RTN1: variants seen among roughly 807,000 people sequenced by gnomAD.
RTN1 encodes the protein reticulon 1, also known as reticulon-1.
RTN1 carries 25 observed loss-of-function variants against 65.5 expected under a neutral mutation model. The observed-to-expected ratio is 0.38, with a 90% CI of 0.28 to 0.53. The LOEUF is 0.53. Ranked by LOEUF, RTN1 falls within the 20% of genes least tolerant of loss-of-function variation. RTN1 has a pLI of 0.79. For missense variants in RTN1, 983 were observed against 1,025.4 expected, an observed-to-expected ratio of 0.96 and a Z score of 0.57; for synonymous variants, 471 against 447.6, an observed-to-expected ratio of 1.05 and a Z score of -0.66.
intron 3 of RTN1, among the ~76,000 whole-genome samples, chr14:59,685,737 T>C (rs1338220774): frequency 6.6e-6 from 1 of 152,198 alleles, no homozygotes; most frequent in Non-Finnish European, 1.5e-5. Flanking sequence ...ATGTCCATCC[T>C]ACCCAAAAGC....
At position 59,817,992 on chromosome 14, in the gene RTN1, C is replaced by T. The variant is rs577015304; in HGVS notation, c.241+52398G>A. ...TGTCATCCAGGTAGTGAGCATAGTA[C>T]TTGATAGGTAGTTTTTCAACCCTTA... On this transcript the variant is annotated intron_variant, in intron 1 of 8. Transcript: ENST00000267484. 1.2e-4 allele frequency among the ~76,000 whole-genome samples: 18 copies of T among 152,214 alleles called. No homozygotes were observed. The South Asian group carries it at 3.3e-3, about 28-fold the overall frequency.
At chr14:59,625,523 C>T (rs1171082864) in intron 3 of RTN1, among the ~76,000 whole-genome samples, 9 of 152,086 alleles carry the variant, frequency 5.9e-5, no homozygotes, top group South Asian at 2.1e-4. Flanking sequence ...CCACTTCTTC[C>T]GTTAAATTAT....
chr14:59,808,389 G>A (rs1886673241), intron 1 of RTN1, among the ~76,000 whole-genome samples: 1 of 152,158 alleles, frequency 6.6e-6, no homozygotes, highest in Non-Finnish European at 1.5e-5. Flanking sequence ...TGGAATCTGT[G>A]CTTCCCAGTG....
chr14:59,789,453 GTT>G (rs1002337137), intron 1 of RTN1, among the ~76,000 whole-genome samples: 5 of 152,182 alleles, frequency 3.3e-5, no homozygotes, highest in African/African-American at 1.2e-4. Context: ...ATGATTAGGT[GTT>G]TTTATCCTTT....
chr14:59,643,882 C>G (rs1460188329), intron 3 of RTN1, among the ~76,000 whole-genome samples: 2 of 142,834 alleles, frequency 1.4e-5, no homozygotes, highest in Non-Finnish European at 3.1e-5. Flanking sequence ...AAAGAATGAT[C>G]CATACTCAAG....
intron 3 of RTN1, among the ~76,000 whole-genome samples, chr14:59,634,763 G>A (rs1276023933): frequency 6.6e-6 from 1 of 152,138 alleles, no homozygotes; most frequent in Non-Finnish European, 1.5e-5. Flanking sequence ...AGAGTGGCTA[G>A]GGAGAAGAAC....
At chr14:59,623,176 C>A (rs1177924054) in intron 3 of RTN1, among the ~76,000 whole-genome samples, 1 of 152,244 alleles carries the variant, frequency 6.6e-6, no homozygotes, top group Non-Finnish European at 1.5e-5. Flanking sequence ...CCGAATGACT[C>A]CTCCTCGGGC....
At chr14:59,724,361 TA>T (rs760544161) in intron 3 of RTN1, among the ~76,000 whole-genome samples, 41 of 152,326 alleles carry the variant, frequency 2.7e-4, no homozygotes, top group Non-Finnish European at 5.3e-4. Context: ...AATATTATTC[TA>T]AATATTTCTA....
rs866748778 is a variant in RTN1, at chr14:59,851,908, G to A, written c.241+18482C>T. 7.3e-5 allele frequency among the ~76,000 whole-genome samples: 11 copies of A among 151,348 alleles called. No homozygotes were observed. In the South Asian group the frequency reaches 2.3e-3, roughly 32 times the overall value. ...AATTCTTATTTCTGAGAATTGATAT[G>A]CAAACATCCAAACTGTAAACAGAAC... is the stretch of plus-strand genomic sequence containing the variant. On this transcript the variant is annotated intron_variant, in intron 1 of 8. Coordinates refer to ENST00000267484, the MANE Select transcript of RTN1 (RefSeq NM_021136.3).
At chr14:59,821,549 T>A (rs924816091) in intron 1 of RTN1, among the ~76,000 whole-genome samples, 9 of 152,182 alleles carry the variant, frequency 5.9e-5, no homozygotes, top group African/African-American at 9.6e-5. Context: ...TCCAATAGTA[T>A]GTTGAATAGG....
rs761486531 is a variant in RTN1, at chr14:59,745,782, G to A, written c.941C>T (p.Thr314Ile). Residue 314 changes from threonine to isoleucine, a missense_variant, in exon 2 of 9, where the codon ACA becomes ATA. Physicochemically the swap from Thr to Ile is moderately conservative, Grantham distance 89 (BLOSUM62 -1). Around this residue, in one of 2 missense-constraint regions of RTN1, gnomAD observed 818 missense variants for 801.8 expected, o/e 1.02. Coordinates refer to ENST00000267484, the MANE Select transcript of RTN1 (RefSeq NM_021136.3). ...QDICLKPSPD[T>I]VPTVTVSEPE... Reference sequence around the variant, plus strand: ...CTCCGAGACAGTGACAGTGGGGACTGTGTCAGGACTTGGCTTTAGACATAT... The same window carrying A: ...CTCCGAGACAGTGACAGTGGGGACTATGTCAGGACTTGGCTTTAGACATAT... 3 of 1,614,096 alleles carry A rather than the reference G, an allele frequency of 1.9e-6. No individual in the cohort carries two copies. Among genetic ancestry groups the A allele is most frequent in the Non-Finnish European group, 2.5e-6 (3 of 1,180,010 alleles).
chr14:59,811,441 A>T lies in RTN1; in HGVS notation c.241+58949T>A, dbSNP rs575274853. Among the ~76,000 whole-genome samples the T allele has an allele frequency of 3.9e-5, 6 of 152,368 alleles. No individual in the cohort carries two copies. In the South Asian group the frequency reaches 1.2e-3, roughly 32 times the overall value. On this transcript the variant is annotated intron_variant, in intron 1 of 8. Transcript: ENST00000267484. ...TTAGTTTTCTTGTTAATTGAAATAT[A>T]GATCTATATCTACTGCTGATAAATG...
intron 3 of RTN1, among the ~76,000 whole-genome samples, chr14:59,612,498 T>C: frequency 6.6e-6 from 1 of 152,218 alleles, no homozygotes; most frequent in East Asian, 1.9e-4. Flanking sequence ...AAAAAAGGAT[T>C]TGTGAAACTA....
intron 3 of RTN1, among the ~76,000 whole-genome samples, chr14:59,641,358 TTTTA>T (rs554989270): frequency 3.9e-5 from 6 of 152,122 alleles, no homozygotes; most frequent in African/African-American, 1.2e-4. Flanking sequence ...TTTTTGGACA[TTTTA>T]TTTATTTATT....
intron 3 of RTN1, among the ~76,000 whole-genome samples, chr14:59,711,303 T>C (rs112120401): frequency 1.0e-3 from 158 of 152,342 alleles, no homozygotes; most frequent in African/African-American, 3.6e-3. Context: ...AAGTCTTTTA[T>C]TGCCTATGTC....
intron 3 of RTN1, among the ~76,000 whole-genome samples, chr14:59,680,929 T>G (rs1354408451): frequency 2.0e-5 from 3 of 152,122 alleles, no homozygotes; most frequent in African/African-American, 7.2e-5. Context: ...AAAAGAAGTA[T>G]ATGAATTTAT....
At chr14:59,598,857 A>T (rs1881488572) in intron 8 of RTN1, among the ~76,000 whole-genome samples, 1 of 152,124 alleles carries the variant, frequency 6.6e-6, no homozygotes. Flanking sequence ...TTCCAGGGTA[A>T]TCATCCCCAG....
rs754418966 is a variant in RTN1 at position 59,596,232 on chromosome 14, T to C, written c.*513A>G. 1 of 152,796 alleles carries C rather than the reference T, an allele frequency of 6.5e-6. No individual in the cohort carries two copies. The highest frequency in any genetic ancestry group is 2.4e-5 in the African/African-American group (1 of 41,470). 9.5% of individuals were successfully genotyped at this position (152,796 alleles called of 1,614,324 possible). A position where few individuals can be genotyped will look rare whatever the true frequency, so the allele number is the denominator to read the frequency against. On this transcript the variant is annotated 3_prime_UTR_variant, in exon 9 of 9. Transcript: ENST00000267484. ...TTAAGTTATACAAAACTGATTACCA[T>C]AAGTGCGGTCGACTGCTTTTATTTT...
chr14:59,636,141 T>G (rs146252685), intron 3 of RTN1, among the ~76,000 whole-genome samples: 4 of 152,256 alleles, frequency 2.6e-5, no homozygotes, highest in Non-Finnish European at 4.4e-5. Context: ...AAATGGAAAA[T>G]GCTATACCGA....
Sources: allele counts gnomAD v4.1 joint callset (sites outside exome capture counted in the v4.1 genomes callset), GRCh38; gene constraint gnomAD v4.1.1; regional missense constraint gnomAD v4.1.1; transcripts MANE v1.5; gene names NCBI Gene and HGNC (gene_info 2026-07-23, HGNC 2026-07-21).